The following TJP1 variants were observed in gnomAD, a reference collection of about 807,000 sequenced individuals.
TJP1 encodes the protein tight junction protein 1.
Under a neutral mutation model 194.2 loss-of-function variants are expected in TJP1, and 43 were observed. The ratio of observed to expected loss-of-function variants is 0.22; its 90% CI spans 0.17 to 0.29. The LOEUF is 0.29. Among genes scored for constraint, TJP1 ranks in the 10% least tolerant of loss-of-function variants. The pLI is 1.00. For missense variants in TJP1, 1,971 were observed against 2,185.7 expected, an observed-to-expected ratio of 0.90 and a Z score of 1.96; for synonymous variants, 801 against 779.0, an observed-to-expected ratio of 1.03 and a Z score of -0.47.
At chr15:29,818,596 C>T (rs1051226185) in intron 1 of TJP1, among the ~76,000 whole-genome samples, 2 of 151,932 alleles carry the variant, frequency 1.3e-5, no homozygotes, top group Non-Finnish European at 2.9e-5. Context: ...CCTCTGACTC[C>T]CGGGTTCAAG....
rs1018537957 is a variant in TJP1 at position 29,943,294 on chromosome 15, A to G, written c.306+12938T>C. On this transcript the variant is annotated intron_variant, in intron 2 of 28. Coordinates refer to the TJP1 transcript ENST00000356107. ...TAAGTGTGCAATTAGGGAAAACCTA[A>G]TGACTACTTTACAAGTTATAGTTTT... 2.0e-5 allele frequency among the ~76,000 whole-genome samples: 3 copies of G among 152,186 alleles called. No individual in the cohort carries two copies. In the South Asian group the frequency reaches 6.2e-4, roughly 32 times the overall value.
intron 24 of TJP1, among the ~76,000 whole-genome samples, chr15:29,710,078 A>G (rs375784347): frequency 3.2e-4 from 48 of 152,206 alleles, no homozygotes; most frequent in African/African-American, 1.0e-3. Flanking sequence ...CCCGAGAGGC[A>G]GAGGTTGCAG....
chr15:29,868,039 T>C (rs536323552), intron 2 of TJP1, among the ~76,000 whole-genome samples: 13 of 125,584 alleles, frequency 1.0e-4, no homozygotes, highest in Non-Finnish European at 1.3e-4. Context: ...GCTTGGGTGA[T>C]AGATTAAGAT....
intron 2 of TJP1, among the ~76,000 whole-genome samples, chr15:29,907,452 T>C (rs2053854557): frequency 6.6e-6 from 1 of 152,124 alleles, no homozygotes. Context: ...CATACATGTA[T>C]TCATATGCCA....
rs771330551 is a variant in TJP1 at position 29,766,270 on chromosome 15, A to C, written c.585T>G (p.Asn195Lys). Residue 195 changes from asparagine (N) to lysine (K), a missense_variant, in exon 5 of 28, where the codon AAT (asparagine) becomes AAG (lysine). This residue lies in a region of TJP1 where 245 missense variants were observed against 336.6 expected (regional missense o/e 0.73). Coordinates refer to ENST00000614355, the MANE Select transcript of TJP1 (RefSeq NM_001330239.4). ...GCAAGAGTTGGCAGAGAATACCTTC[A>C]TTTTTCCGGGATTTCACCAGTGTGA... ...TKVTLVKSRK[N>K]EEYGLRLASH... is the part of the protein sequence containing the mutation. The C allele has an allele frequency of 2.5e-6, 4 of 1,606,938 alleles. No homozygotes were observed. The Admixed American group carries it at 5.2e-5, about 21-fold the overall frequency.
rs551547402 is a variant in TJP1 at position 29,929,413 on chromosome 15, C to T, written c.306+26819G>A. Among the ~76,000 whole-genome samples the T allele has an allele frequency of 9.2e-5, 14 of 152,190 alleles. No homozygotes were observed. The East Asian group carries it at 1.2e-3, about 13-fold the overall frequency. On this transcript the variant is annotated intron_variant, in intron 2 of 28. Coordinates refer to the TJP1 transcript ENST00000356107. ...AAACCAATAATTTAAATGTATGACTCGGGCTGAGTGCTGTGGCTCAGGCCT... is the reference window on the plus strand; with the variant it reads ...AAACCAATAATTTAAATGTATGACTTGGGCTGAGTGCTGTGGCTCAGGCCT...
chr15:29,813,947 C>T (rs573361526), intron 1 of TJP1, among the ~76,000 whole-genome samples: 8 of 152,268 alleles, frequency 5.3e-5, no homozygotes. Context: ...TTCTTGAACC[C>T]TAAATGTAAC....
intron 2 of TJP1, among the ~76,000 whole-genome samples, chr15:29,795,101 T>G (rs764146365): frequency 3.9e-5 from 6 of 152,034 alleles, no homozygotes; most frequent in Non-Finnish European, 8.8e-5. Context: ...TTTTAACAAC[T>G]TACATGATAA....
At chr15:29,811,012 A>G (rs924367409) in intron 1 of TJP1, among the ~76,000 whole-genome samples, 2 of 152,194 alleles carry the variant, frequency 1.3e-5, no homozygotes, top group African/African-American at 4.8e-5. Flanking sequence ...ATATAGTCAC[A>G]AAGTTAAATA....
intron 2 of TJP1, among the ~76,000 whole-genome samples, chr15:29,855,125 CAT>C (rs372510572): frequency 8.4e-4 from 128 of 151,982 alleles, no homozygotes; most frequent in African/African-American, 3.0e-3. Context: ...AAATATGAAA[CAT>C]AGTTTCAAGA....
chr15:29,741,062 T>C, intron 10 of TJP1: 2 of 246,436 alleles, frequency 8.1e-6, no homozygotes, highest in Non-Finnish European at 1.5e-5. Flanking sequence ...GATGTCTGAA[T>C]AGAATTTTTT....
At chr15:29,811,754 C>G (rs1429942246) in intron 1 of TJP1, among the ~76,000 whole-genome samples, 1 of 152,098 alleles carries the variant, frequency 6.6e-6, no homozygotes, top group Non-Finnish European at 1.5e-5. Flanking sequence ...AACCTACAGG[C>G]TGATTGATCT....
At chr15:29,885,296 G>C (rs1161263877) in intron 2 of TJP1, among the ~76,000 whole-genome samples, 3 of 152,192 alleles carry the variant, frequency 2.0e-5, no homozygotes, top group South Asian at 2.1e-4. Flanking sequence ...TCAGCTACCA[G>C]GGTCATGCAG....
At chr15:29,802,264 T>C (rs560198786) in intron 1 of TJP1, among the ~76,000 whole-genome samples, 7 of 152,354 alleles carry the variant, frequency 4.6e-5, no homozygotes, top group African/African-American at 1.4e-4. Context: ...TTTCTCTTAC[T>C]GCTGTCATTA....
chr15:29,849,218 T>C (rs1220393144), intron 2 of TJP1, among the ~76,000 whole-genome samples: 2 of 152,176 alleles, frequency 1.3e-5, no homozygotes, highest in Non-Finnish European at 2.9e-5. Context: ...ACCTTTCTTA[T>C]ATTTGCCACA....
intron 13 of TJP1, 88 bp downstream of exon 13, chr15:29,733,006 T>C (rs2043769473): frequency 1.4e-6 from 2 of 1,445,788 alleles, no homozygotes; most frequent in Non-Finnish European, 1.9e-6. Context: ...AAAGAATTCT[T>C]TACATTACCA....
In TJP1 at chr15:29,863,724, G is replaced by A. The variant is rs369983568; in HGVS notation, c.307-63022C>T. ...ATTTAGAAAGTGGGCTGGCAGTGCT[G>A]CTCTTTGGTGGTAGAGAACACAGGG... On this transcript the variant is annotated intron_variant, in intron 2 of 28. Transcript: ENST00000356107. 5.7e-4 allele frequency among the ~76,000 whole-genome samples: 87 copies of A among 152,270 alleles called. 2 individuals are homozygous for A. Among genetic ancestry groups the A allele is most frequent in the African/African-American group, 2.1e-3 (87 of 41,560 alleles).
intron 15 of TJP1, 66 bp downstream of exon 15, chr15:29,732,367 T>C (rs574416009): frequency 1.0e-5 from 14 of 1,336,306 alleles, no homozygotes; most frequent in African/African-American, 1.0e-4. Context: ...AATGAGTGAA[T>C]CAGAACTCAC....
intron 2 of TJP1, 55 bp from the exon 3 acceptor site, chr15:29,773,412 A>ATTAAGATTGTAATTT: frequency 6.4e-7 from 1 of 1,565,172 alleles, no homozygotes; most frequent in African/African-American, 1.4e-5. Flanking sequence ...TAATTGTTAT[A>ATTAAGATTGTAATTT]TCATACTCTA....
Sources: gnomAD v4.1 joint callset for allele counts (sites outside exome capture counted in the v4.1 genomes callset) on GRCh38, gnomAD v4.1.1 for gene constraint, gnomAD v4.1.1 regional missense constraint, MANE v1.5 for transcripts, NCBI Gene and HGNC (gene_info 2026-07-23, HGNC 2026-07-21) for gene names.